MME: variants seen among roughly 807,000 people sequenced by gnomAD.
MME encodes the protein membrane metalloendopeptidase.
In MME, 98 loss-of-function variants were observed where a neutral mutation model predicts 113.2. That is an observed-to-expected ratio of 0.87 (90% CI 0.74 to 1.02). MME has a LOEUF of 1.02. Ranked by LOEUF, MME falls within the 50% of genes least tolerant of loss-of-function variation. The pLI, the probability that MME is intolerant of heterozygous loss-of-function variation, is 0.00. For synonymous variants in MME, 292 were observed against 300.6 expected, an observed-to-expected ratio of 0.97 and a Z score of 0.30; for missense variants, 836 against 896.0, an observed-to-expected ratio of 0.93 and a Z score of 0.86.
intron 1 of MME, among the ~76,000 whole-genome samples, chr3:155,050,948 T>C (rs1320171206): frequency 2.0e-5 from 3 of 152,176 alleles, no homozygotes; most frequent in Non-Finnish European, 4.4e-5. Context: ...TTGTGTTCTA[T>C]AGTTGGGCAG....
intron 8 of MME, among the ~76,000 whole-genome samples, chr3:155,126,926 G>A (rs1480543272): frequency 3.3e-5 from 5 of 149,962 alleles, no homozygotes; most frequent in Non-Finnish European, 7.4e-5. Flanking sequence ...AGAATCGCTT[G>A]AACCCAGGAG....
chr3:155,138,206 A>G lies in MME; in HGVS notation c.825A>G (p.Lys275=), dbSNP rs1476638433. 1 of 1,613,716 alleles carries G rather than the reference A, an allele frequency of 6.2e-7. No homozygotes were observed. The highest frequency in any genetic ancestry group is 8.5e-7 in the Non-Finnish European group (1 of 1,179,734). ...ACCAGCTTGCTTTGGAAATGAATAA[A>G]GTTATGGAATTGGAAAAAGAAATTG... ...DENQLALEMN[K]VMELEKEIAN... The change falls in exon 9 of 23, where the codon AAA becomes AAG. Residue 275 remains lysine (K), a synonymous_variant. Coordinates refer to ENST00000360490, the MANE Select transcript of MME (RefSeq NM_007289.4).
At chr3:155,175,429 T>G (rs1049944338) in intron 22 of MME, among the ~76,000 whole-genome samples, 1 of 151,972 alleles carries the variant, frequency 6.6e-6, no homozygotes, top group Admixed American at 6.6e-5. Flanking sequence ...AGAAATTGAA[T>G]CTATAATTTA....
chr3:155,178,673 G>A lies in MME; in HGVS notation c.2154-1687G>A, dbSNP rs116178696. Among the ~76,000 whole-genome samples, 787 of 152,094 alleles carry A rather than the reference G, an allele frequency of 5.2e-3. 13 individuals are homozygous for A. The highest frequency in any genetic ancestry group is 0.018 in the African/African-American group (744 of 41,486). ...GCTCCCTGCAGATATCAAAATTTGTGGATGCTCAACTCCTTGATATAAATG... is the reference window on the plus strand; with the variant it reads ...GCTCCCTGCAGATATCAAAATTTGTAGATGCTCAACTCCTTGATATAAATG... On this transcript the variant is annotated intron_variant, in intron 22 of 22. Coordinates refer to ENST00000360490, the MANE Select transcript of MME (RefSeq NM_007289.4).
chr3:155,172,866 A>G (rs1205183930), intron 22 of MME, among the ~76,000 whole-genome samples: 1 of 152,070 alleles, frequency 6.6e-6, no homozygotes, highest in Non-Finnish European at 1.5e-5. Context: ...GGCTTGATCT[A>G]TTCCAACAAA....
upstream of MME, among the ~76,000 whole-genome samples, chr3:155,078,324 C>G (rs1714840270): frequency 2.0e-5 from 3 of 152,104 alleles, no homozygotes; most frequent in Non-Finnish European, 1.5e-5. Context: ...GTTGTGAGGA[C>G]TAAATAGTGT....
chr3:155,144,956 A>G (rs1721392963), intron 14 of MME, among the ~76,000 whole-genome samples: 1 of 152,218 alleles, frequency 6.6e-6, no homozygotes, highest in Non-Finnish European at 1.5e-5. Context: ...AGCAACATTC[A>G]CATGCATCCT....
At chr3:155,044,386 G>C (rs1713473739) in intron 1 of MME, among the ~76,000 whole-genome samples, 1 of 151,834 alleles carries the variant, frequency 6.6e-6, no homozygotes, top group South Asian at 2.1e-4. Flanking sequence ...ACCTGCCTCG[G>C]CCTCCCAGAG....
chr3:155,142,271 A>G lies in MME; in HGVS notation c.1129A>G (p.Met377Val), dbSNP rs1721167262. Residue 377 changes from methionine (M) to valine (V), a missense_variant, in exon 12 of 23, where the codon ATG (methionine) becomes GTG (valine). Physicochemically the swap from Met to Val is conservative, Grantham distance 21. Coordinates refer to ENST00000360490, the MANE Select transcript of MME (RefSeq NM_007289.4). ...AAATTTAATGTCCTGGAGATTCATAATGGATCTTGTAAGCAGCCTCAGCCG... is the reference window on the plus strand; with the variant it reads ...AAATTTAATGTCCTGGAGATTCATAGTGGATCTTGTAAGCAGCCTCAGCCG... ...LQNLMSWRFI[M>V]DLVSSLSRTY... 1.2e-6 allele frequency: 2 copies of G among 1,613,630 alleles called. No homozygotes were observed. The highest frequency in any genetic ancestry group is 1.7e-6 in the Non-Finnish European group (2 of 1,179,724).
intron 3 of MME, among the ~76,000 whole-genome samples, chr3:155,096,344 G>T (rs1716739361): frequency 6.6e-6 from 1 of 152,136 alleles, no homozygotes; most frequent in African/African-American, 2.4e-5. Context: ...TAACATTTTG[G>T]TGCCCCTGGT....
intron 8 of MME, among the ~76,000 whole-genome samples, chr3:155,130,537 G>C (rs61758172): frequency 1.3e-5 from 2 of 152,140 alleles, no homozygotes; most frequent in Non-Finnish European, 2.9e-5. Flanking sequence ...AGACATTTTA[G>C]GGATGAGGAT....
At chr3:155,139,235 C>A (rs779908119) in intron 9 of MME, among the ~76,000 whole-genome samples, 33 of 152,134 alleles carry the variant, frequency 2.2e-4, no homozygotes, top group Admixed American at 3.9e-4. Flanking sequence ...AGACCATGCG[C>A]TCCTTTGACC....
chr3:155,171,962 A>G (rs1712017581), intron 20 of MME, 155 bp from the exon 21 acceptor site: 1 of 605,828 alleles, frequency 1.7e-6, no homozygotes, highest in South Asian at 2.1e-5. Context: ...TGTCTTTCTA[A>G]TCCATAAAAT....
chr3:155,029,286 T>G (rs899660266), intron 1 of MME, among the ~76,000 whole-genome samples: 33 of 152,212 alleles, frequency 2.2e-4, no homozygotes, highest in African/African-American at 7.0e-4. Flanking sequence ...TCAACCAACT[T>G]TGACCATATA....
chr3:155,105,036 C>T (rs901386550), intron 3 of MME, among the ~76,000 whole-genome samples: 2 of 152,026 alleles, frequency 1.3e-5, no homozygotes, highest in African/African-American at 4.8e-5. Flanking sequence ...GAATATGTTT[C>T]GGTTGCGAAT....
chr3:155,058,088 A>AAAAC (rs1048403038), intron 1 of MME, among the ~76,000 whole-genome samples: 3 of 152,160 alleles, frequency 2.0e-5, no homozygotes, highest in East Asian at 1.9e-4. Flanking sequence ...AGTCTACACA[A>AAAAC]AAACAAACAA....
intron 2 of MME, among the ~76,000 whole-genome samples, chr3:155,084,549 T>C (rs1259806752): frequency 6.6e-6 from 1 of 152,256 alleles, no homozygotes; most frequent in African/African-American, 2.4e-5. Flanking sequence ...GTATATTTAG[T>C]GCGCTCACGC....
intron 8 of MME, 70 bp from the exon 9 acceptor site, chr3:155,138,032 A>C: frequency 1.3e-6 from 2 of 1,541,330 alleles, no homozygotes; most frequent in East Asian, 4.5e-5. Flanking sequence ...TTGAAATGAA[A>C]ATAAATTTTA....
intron 1 of MME, among the ~76,000 whole-genome samples, chr3:155,053,057 A>G (rs942187070): frequency 5.9e-5 from 9 of 152,136 alleles, no homozygotes; most frequent in African/African-American, 2.2e-4. Context: ...ATTTGAGACC[A>G]CCTTGGCCTA....
Sources: gnomAD v4.1 joint callset for allele counts (sites outside exome capture counted in the v4.1 genomes callset) on GRCh38, gnomAD v4.1.1 for gene constraint, MANE v1.5 for transcripts, NCBI Gene and HGNC (gene_info 2026-07-23, HGNC 2026-07-21) for gene names.